Variants in PTPRD observed in about 807,000 individuals in gnomAD.
PTPRD encodes protein tyrosine phosphatase receptor type D, also known as receptor-type tyrosine-protein phosphatase delta.
A neutral mutation model predicts 214.5 loss-of-function variants in PTPRD; 34 were observed. The observed-to-expected ratio is 0.16, with a 90% CI of 0.12 to 0.21. The LOEUF is 0.21. Ranked by LOEUF, PTPRD falls within the 10% of genes least tolerant of loss-of-function variation. The probability of loss-of-function intolerance (pLI) is 1.00; values close to 1 mark genes in which losing one functional copy is unlikely to be tolerated. For synonymous variants in PTPRD, 1,128 were observed against 845.7 expected (o/e 1.33, Z -5.79); for missense variants, 2,545 against 2,398.7 (o/e 1.06, Z -1.27).
At chr9:10,551,456 A>G (rs1184422309) in intron 2 of PTPRD, among the ~76,000 whole-genome samples, 1 of 152,150 alleles carries the variant, frequency 6.6e-6, no homozygotes, top group African/African-American at 2.4e-5. Context: ...GTGACCCTGA[A>G]GGTGACAGTA....
At chr9:8,351,968 C>G (rs1194748325) in intron 39 of PTPRD, among the ~76,000 whole-genome samples, 1 of 151,608 alleles carries the variant, frequency 6.6e-6, no homozygotes, top group African/African-American at 2.4e-5. Context: ...GATGAGCTAC[C>G]AGGTTATATC....
intron 11 of PTPRD, among the ~76,000 whole-genome samples, chr9:9,007,616 G>A (rs1298392255): frequency 6.6e-6 from 1 of 151,446 alleles, no homozygotes; most frequent in Non-Finnish European, 1.5e-5. Flanking sequence ...AGACCATCAT[G>A]CCTTTACCTT....
chr9:10,503,055 T>C (rs1375677697), intron 2 of PTPRD, among the ~76,000 whole-genome samples: 1 of 151,968 alleles, frequency 6.6e-6, no homozygotes, highest in Non-Finnish European at 1.5e-5. Context: ...ATGTCAATTT[T>C]CTTTTTGAAC....
At chr9:10,424,562 T>C (rs1409235322) in intron 2 of PTPRD, among the ~76,000 whole-genome samples, 1 of 151,894 alleles carries the variant, frequency 6.6e-6, no homozygotes, top group Non-Finnish European at 1.5e-5. Flanking sequence ...CTCCTGACGC[T>C]TACTTGTCCT....
At chr9:9,144,541 C>G (rs555417633) in intron 10 of PTPRD, among the ~76,000 whole-genome samples, 1 of 152,184 alleles carries the variant, frequency 6.6e-6, no homozygotes, top group African/African-American at 2.4e-5. Context: ...ATCACGAGGT[C>G]AGAAGGTCGA....
At chr9:8,661,448 T>C (rs147652177) in intron 12 of PTPRD, among the ~76,000 whole-genome samples, 2 of 152,126 alleles carry the variant, frequency 1.3e-5, no homozygotes, top group Non-Finnish European at 2.9e-5. Flanking sequence ...ATAGAAAAAA[T>C]GACTTTGTAT....
At chr9:8,913,536 AT>A (rs1255358222) in intron 11 of PTPRD, among the ~76,000 whole-genome samples, 1 of 152,090 alleles carries the variant, frequency 6.6e-6, no homozygotes, top group African/African-American at 2.4e-5. Context: ...CATAGCTCAT[AT>A]TTTTTTCTTA....
chr9:8,967,928 G>T (rs550234427), intron 11 of PTPRD, among the ~76,000 whole-genome samples: 2 of 151,856 alleles, frequency 1.3e-5, no homozygotes, highest in Non-Finnish European at 2.9e-5. Flanking sequence ...GAGAGGCCCC[G>T]GTGTGTGATG....
chr9:8,347,484 C>T (rs2132952362), intron 39 of PTPRD, among the ~76,000 whole-genome samples: 1 of 152,234 alleles, frequency 6.6e-6, no homozygotes, highest in East Asian at 1.9e-4. Flanking sequence ...TAAATAATCA[C>T]ATGAATAAAC....
chr9:9,078,729 T>C (rs1014267254), intron 10 of PTPRD, among the ~76,000 whole-genome samples: 2 of 152,048 alleles, frequency 1.3e-5, no homozygotes, highest in Non-Finnish European at 2.9e-5. Context: ...GCAATATGGT[T>C]GCAACAGAGG....
At chr9:8,895,688 G>A (rs951249677) in intron 11 of PTPRD, among the ~76,000 whole-genome samples, 5 of 152,150 alleles carry the variant, frequency 3.3e-5, no homozygotes, top group Non-Finnish European at 7.3e-5. Context: ...ACTTCAGCAT[G>A]TCACACTTGA....
chr9:10,364,818 GA>G (rs2097482770), intron 2 of PTPRD, among the ~76,000 whole-genome samples: 1 of 152,000 alleles, frequency 6.6e-6, no homozygotes, highest in South Asian at 2.1e-4. Flanking sequence ...ATTACCATAC[GA>G]TATCTATATT....
At chr9:10,216,688 A>G (rs1027712529) in intron 3 of PTPRD, among the ~76,000 whole-genome samples, 2 of 152,052 alleles carry the variant, frequency 1.3e-5, no homozygotes, top group African/African-American at 2.4e-5. Context: ...TCTGTTCACA[A>G]TAGAGCTCTC....
At chr9:9,378,347 A>G (rs1389072491) in intron 9 of PTPRD, among the ~76,000 whole-genome samples, 2 of 152,048 alleles carry the variant, frequency 1.3e-5, no homozygotes, top group African/African-American at 4.8e-5. Context: ...TTGTCTTTTC[A>G]TAGCTTGACA....
chr9:8,581,442 C>G (rs1185858456), intron 14 of PTPRD, among the ~76,000 whole-genome samples: 1 of 152,064 alleles, frequency 6.6e-6, no homozygotes, highest in Non-Finnish European at 1.5e-5. Context: ...ACATAAACAT[C>G]ATAAAGAAAG....
In PTPRD at chr9:8,638,251, A is replaced by C. The variant is rs138325813; in HGVS notation, c.65-1407T>G. ...AACAATCCTTGGATTATAAAAAAGA[A>C]AAAAGTCATAACAAAGTTTGTTCTT... On this transcript the variant is annotated intron_variant, in intron 12 of 45. Coordinates refer to ENST00000381196, the MANE Select transcript of PTPRD (RefSeq NM_002839.4). 1.2e-3 allele frequency among the ~76,000 whole-genome samples: 183 copies of C among 152,260 alleles called. 1 individual carries two copies. The highest frequency in any genetic ancestry group is 4.3e-3 in the African/African-American group (177 of 41,552).
intron 2 of PTPRD, among the ~76,000 whole-genome samples, chr9:10,359,650 T>C (rs1259494451): frequency 6.6e-6 from 1 of 152,086 alleles, no homozygotes. Flanking sequence ...AAAATATCTG[T>C]TTTATAATTA....
At chr9:10,536,390 T>A (rs1356498546) in intron 2 of PTPRD, among the ~76,000 whole-genome samples, 1 of 152,156 alleles carries the variant, frequency 6.6e-6, no homozygotes, top group Admixed American at 6.6e-5. Context: ...GATTTCTTCT[T>A]TTGTTCTGCT....
chr9:8,876,224 G>GT (rs1555464147), intron 11 of PTPRD, among the ~76,000 whole-genome samples: 31 of 150,958 alleles, frequency 2.1e-4, no homozygotes, highest in African/African-American at 6.8e-4. Context: ...ATGTGTGTGT[G>GT]TGTTGTTGTT....
Sources: allele counts gnomAD v4.1 joint callset (sites outside exome capture counted in the v4.1 genomes callset), GRCh38; gene constraint gnomAD v4.1.1; transcripts MANE v1.5; gene names NCBI Gene and HGNC (gene_info 2026-07-23, HGNC 2026-07-21).